The following ANGPT1 variants were observed in gnomAD, a reference collection of about 807,000 sequenced individuals.
The protein encoded by ANGPT1 is angiopoietin-1.
Under a neutral mutation model 62.2 loss-of-function variants are expected in ANGPT1, and 17 were observed. That is an observed-to-expected ratio of 0.27 (90% CI 0.19 to 0.41). The LOEUF is 0.41. Among genes scored for constraint, ANGPT1 ranks in the 10% least tolerant of loss-of-function variants. The probability of loss-of-function intolerance (pLI) is 1.00; values close to 1 mark genes in which losing one functional copy is unlikely to be tolerated. For synonymous variants in ANGPT1, 199 were observed against 198.9 expected (o/e 1.00, Z 0.00); for missense variants, 478 against 594.9 (o/e 0.80, Z 2.04).
At chr8:107,369,377 T>C (rs1194951478) in intron 1 of ANGPT1, among the ~76,000 whole-genome samples, 1 of 152,208 alleles carries the variant, frequency 6.6e-6, no homozygotes, top group Non-Finnish European at 1.5e-5. Flanking sequence ...GCTGGTTTGA[T>C]AGTCTATCCA....
intron 7 of ANGPT1, among the ~76,000 whole-genome samples, chr8:107,283,532 A>T (rs76399383): frequency 4.1e-5 from 6 of 145,492 alleles, no homozygotes; most frequent in Non-Finnish European, 7.4e-5. Context: ...TTAAAAAATT[A>T]AAAAAAAAAG....
chr8:107,314,058 G>T (rs1239324481), intron 4 of ANGPT1, among the ~76,000 whole-genome samples: 1 of 152,100 alleles, frequency 6.6e-6, no homozygotes, highest in African/African-American at 2.4e-5. Context: ...GTTCTGTTTT[G>T]TCCCTGGTTT....
At position 107,303,380 on chromosome 8, in the gene ANGPT1, A is replaced by G. The variant is rs778562182; in HGVS notation, c.809-13T>C. 2.5e-6 allele frequency: 4 copies of G among 1,585,732 alleles called. No homozygotes were observed. In the South Asian group the frequency reaches 4.6e-5, roughly 18 times the overall value. ...CCCTTTAGTAAAACTGCAAAAAAAAAAAAAAAGATTGCAATATGTGAATAT... is the reference window on the plus strand; with the variant it reads ...CCCTTTAGTAAAACTGCAAAAAAAAGAAAAAAGATTGCAATATGTGAATAT... On this transcript the variant is annotated splice_polypyrimidine_tract_variant and intron_variant, in intron 4 of 8. Transcript: ENST00000517746.
At chr8:107,262,273 A>G (rs919962683) in intron 8 of ANGPT1, among the ~76,000 whole-genome samples, 1 of 152,224 alleles carries the variant, frequency 6.6e-6, no homozygotes, top group African/African-American at 2.4e-5. Context: ...GATAACATCA[A>G]CCTAATGATT....
At chr8:107,416,119 G>T (rs796537474) in intron 1 of ANGPT1, among the ~76,000 whole-genome samples, 55 of 152,232 alleles carry the variant, frequency 3.6e-4, no homozygotes, top group African/African-American at 1.3e-3. Flanking sequence ...GGGGAAATCA[G>T]CTGGGTGTCT....
At chr8:107,416,461 A>G (rs764609658) in intron 1 of ANGPT1, among the ~76,000 whole-genome samples, 3 of 152,180 alleles carry the variant, frequency 2.0e-5, no homozygotes, top group Non-Finnish European at 4.4e-5. Context: ...GGGTGTTGGG[A>G]TGCCCCACTG....
chr8:107,390,521 A>C (rs1816814392), intron 1 of ANGPT1, among the ~76,000 whole-genome samples: 1 of 152,188 alleles, frequency 6.6e-6, no homozygotes, highest in African/African-American at 2.4e-5. Flanking sequence ...CAAAGGTGGT[A>C]ACCAAAATCA....
intron 1 of ANGPT1, among the ~76,000 whole-genome samples, chr8:107,491,444 G>C (rs1366812811): frequency 6.6e-6 from 1 of 152,182 alleles, no homozygotes; most frequent in Non-Finnish European, 1.5e-5. Context: ...AAATAAAACA[G>C]TATAATAAGG....
intron 2 of ANGPT1, among the ~76,000 whole-genome samples, chr8:107,341,399 T>C (rs1458828815): frequency 6.6e-6 from 1 of 152,040 alleles, no homozygotes; most frequent in East Asian, 1.9e-4. Flanking sequence ...GGAAAAAAAG[T>C]AGAAGACTGC....
chr8:107,450,886 C>A (rs770233229), intron 1 of ANGPT1, among the ~76,000 whole-genome samples: 13 of 151,748 alleles, frequency 8.6e-5, no homozygotes, highest in African/African-American at 2.7e-4. Flanking sequence ...TGATTTACCC[C>A]ACAATCACCC....
Position 107,288,342 on chromosome 8 carries a change from C to A in ANGPT1, c.1039-3494G>T, listed in dbSNP as rs573932731. ...ACTTAAGTATCTGTTTCCTTCGACT[C>A]TCCCTTAGTGCTATCTCTTTCAAGC... On this transcript the variant is annotated intron_variant, in intron 6 of 8. Transcript: ENST00000517746. 1.1e-4 allele frequency among the ~76,000 whole-genome samples: 17 copies of A among 152,264 alleles called. No individual in the cohort carries two copies. In the East Asian group the frequency reaches 3.1e-3, roughly 28 times the overall value.
intron 8 of ANGPT1, among the ~76,000 whole-genome samples, chr8:107,252,875 G>C (rs993463243): frequency 7.2e-5 from 11 of 152,154 alleles, no homozygotes; most frequent in Non-Finnish European, 1.5e-4. Context: ...TCTTTAGGGA[G>C]AGATTTATGC....
At chr8:107,474,806 C>T (rs1483487644) in intron 1 of ANGPT1, among the ~76,000 whole-genome samples, 2 of 152,012 alleles carry the variant, frequency 1.3e-5, no homozygotes, top group East Asian at 3.9e-4. Flanking sequence ...AAACAGAGAG[C>T]CAAATCATGA....
chr8:107,455,453 C>G (rs1811895030), intron 1 of ANGPT1, among the ~76,000 whole-genome samples: 1 of 151,994 alleles, frequency 6.6e-6, no homozygotes, highest in Non-Finnish European at 1.5e-5. Context: ...ATCCTGTTTT[C>G]CTACATTTTA....
At position 107,441,813 on chromosome 8, in the gene ANGPT1, G is replaced by A. The variant is rs527436085; in HGVS notation, c.297+55449C>T. 7.2e-5 allele frequency among the ~76,000 whole-genome samples: 11 copies of A among 152,112 alleles called. No individual in the cohort carries two copies. In the East Asian group the frequency reaches 9.7e-4, roughly 13 times the overall value. On this transcript the variant is annotated intron_variant, in intron 1 of 8. Transcript: ENST00000517746. ...TTAAAAAGGGGAGTCCTGGCCAGGC[G>A]CATGGCTCATGCCTGTAATCCCAGC...
chr8:107,442,544 T>C (rs1344381680), intron 1 of ANGPT1, among the ~76,000 whole-genome samples: 1 of 152,196 alleles, frequency 6.6e-6, no homozygotes, highest in African/African-American at 2.4e-5. Flanking sequence ...TAAAATATTG[T>C]CCAAAAGTGT....
In ANGPT1 at chr8:107,336,568, C is replaced by G. The variant is rs548401402; in HGVS notation, c.454-297G>C. ...TAGTCCCAGCTACTCGGGAGGCTGA[C>G]GCAGGAGAATGGCGTGAACCCGGGA... On this transcript the variant is annotated intron_variant, in intron 2 of 8. Transcript: ENST00000517746. The G allele has an allele frequency of 4.7e-3, 951 of 200,608 alleles. 15 individuals carry two copies. Among genetic ancestry groups the G allele is most frequent in the African/African-American group, 0.022 (884 of 40,864 alleles). 12.4% of individuals were successfully genotyped at this position (200,608 alleles called of 1,614,324 possible). A position where few individuals can be genotyped will look rare whatever the true frequency, so the allele number is the denominator to read the frequency against.
At chr8:107,486,571 T>C (rs1268641472) in intron 1 of ANGPT1, among the ~76,000 whole-genome samples, 1 of 152,152 alleles carries the variant, frequency 6.6e-6, no homozygotes, top group African/African-American at 2.4e-5. Flanking sequence ...ACCTACTAGG[T>C]GACAGGACTT....
intron 1 of ANGPT1, among the ~76,000 whole-genome samples, chr8:107,360,175 G>T (rs898140386): frequency 6.6e-6 from 1 of 152,148 alleles, no homozygotes; most frequent in Non-Finnish European, 1.5e-5. Flanking sequence ...AGCCAAAACA[G>T]CCGCAAGTAG....
Sources: gnomAD v4.1 joint callset for allele counts (sites outside exome capture counted in the v4.1 genomes callset) on GRCh38, gnomAD v4.1.1 for gene constraint, MANE v1.5 for transcripts, NCBI Gene and HGNC (gene_info 2026-07-23, HGNC 2026-07-21) for gene names.